The following CSMD2 variants were observed in gnomAD, a reference collection of about 807,000 sequenced individuals.
CSMD2 encodes the protein CUB and Sushi multiple domains 2, also known as CUB and sushi domain-containing protein 2.
A neutral mutation model predicts 398.5 loss-of-function variants in CSMD2; 130 were observed. That is an observed-to-expected ratio of 0.33 (90% CI 0.28 to 0.38). The LOEUF is 0.38. Among genes scored for constraint, CSMD2 ranks in the 10% least tolerant of loss-of-function variants. CSMD2 has a pLI of 1.00. For missense variants in CSMD2, 3,829 were observed against 4,764.9 expected (o/e 0.80, Z 5.78); for synonymous variants, 1,828 against 1,908.5 (o/e 0.96, Z 1.10).
chr1:34,002,256 C>A (rs1035460272), intron 3 of CSMD2, among the ~76,000 whole-genome samples: 3 of 152,122 alleles, frequency 2.0e-5, no homozygotes, highest in Non-Finnish European at 4.4e-5. Flanking sequence ...TATAAAATAT[C>A]TCATATTTAT....
chr1:33,825,483 G>A (rs746344667), intron 7 of CSMD2, among the ~76,000 whole-genome samples: 1 of 152,250 alleles, frequency 6.6e-6, no homozygotes, highest in African/African-American at 2.4e-5. Context: ...GGACAAGGAG[G>A]AAAATGGGAA....
intron 27 of CSMD2, 33 bp from the exon 28 acceptor site, chr1:33,652,494 C>G: frequency 1.2e-6 from 2 of 1,609,122 alleles, no homozygotes; most frequent in Non-Finnish European, 1.7e-6. Context: ...GTGAGGCTGC[C>G]TCTTCACCCT....
intron 3 of CSMD2, among the ~76,000 whole-genome samples, chr1:33,961,060 C>T (rs542708696): frequency 3.9e-5 from 6 of 152,236 alleles, no homozygotes; most frequent in Non-Finnish European, 7.3e-5. Flanking sequence ...GCCATCAATG[C>T]GCTACAGCGC....
intron 12 of CSMD2, among the ~76,000 whole-genome samples, chr1:33,777,043 A>G (rs944808658): frequency 1.3e-5 from 2 of 152,050 alleles, no homozygotes; most frequent in African/African-American, 4.8e-5. Flanking sequence ...GGAGGGGTAG[A>G]AAGTGTCAGA....
chr1:33,812,196 A>T (rs143570352), intron 9 of CSMD2, among the ~76,000 whole-genome samples: 314 of 152,310 alleles, frequency 2.1e-3, no homozygotes, highest in Non-Finnish European at 3.8e-3. Flanking sequence ...AGTGTCTGAC[A>T]TAGCCCCTCC....
At chr1:33,882,683 G>A (rs1641318514) in intron 5 of CSMD2, among the ~76,000 whole-genome samples, 1 of 152,190 alleles carries the variant, frequency 6.6e-6, no homozygotes, top group Non-Finnish European at 1.5e-5. Context: ...CTATCTCTTT[G>A]AGGTCACAGC....
At chr1:33,557,512 C>T (rs1658118380) in intron 55 of CSMD2, among the ~76,000 whole-genome samples, 1 of 152,044 alleles carries the variant, frequency 6.6e-6, no homozygotes, top group Admixed American at 6.5e-5. Context: ...AAAGTGAGAA[C>T]ACAAAAATTG....
At chr1:34,119,661 T>C (rs1269429158) in intron 1 of CSMD2, among the ~76,000 whole-genome samples, 2 of 152,170 alleles carry the variant, frequency 1.3e-5, no homozygotes. Flanking sequence ...GACAAACATA[T>C]GAAATTATGT....
At chr1:34,082,831 G>A (rs1401764020) in intron 2 of CSMD2, among the ~76,000 whole-genome samples, 5 of 152,004 alleles carry the variant, frequency 3.3e-5, no homozygotes, top group African/African-American at 9.7e-5. Flanking sequence ...GATTAAGGGC[G>A]GTGCAAGATG....
intron 37 of CSMD2, among the ~76,000 whole-genome samples, chr1:33,619,664 A>C (rs1353155733): frequency 3.3e-5 from 5 of 152,236 alleles, no homozygotes; most frequent in Non-Finnish European, 5.9e-5. Flanking sequence ...AAACCACAGA[A>C]CGTTGCTATC....
chr1:33,926,002 A>G (rs1175602033), intron 4 of CSMD2, among the ~76,000 whole-genome samples: 2 of 152,182 alleles, frequency 1.3e-5, no homozygotes, highest in Non-Finnish European at 2.9e-5. Flanking sequence ...TTACAGAAAT[A>G]GAATAATCCC....
chr1:33,764,943 G>C (rs768192953), intron 13 of CSMD2, among the ~76,000 whole-genome samples: 1 of 152,222 alleles, frequency 6.6e-6, no homozygotes, highest in Non-Finnish European at 1.5e-5. Flanking sequence ...TGGCATTGAG[G>C]TCAGGGTGGG....
chr1:33,545,452 A>G (rs988563831), intron 57 of CSMD2, among the ~76,000 whole-genome samples: 1 of 152,184 alleles, frequency 6.6e-6, no homozygotes, highest in Admixed American at 6.5e-5. Flanking sequence ...CTTCCCTTAG[A>G]CTGTAAGCCC....
At chr1:33,992,452 CCCA>C (rs1646585502) in intron 3 of CSMD2, among the ~76,000 whole-genome samples, 1 of 151,986 alleles carries the variant, frequency 6.6e-6, no homozygotes, top group Non-Finnish European at 1.5e-5. Flanking sequence ...AAGCAATGCA[CCCA>C]CTTCAGCACC....
intron 2 of CSMD2, among the ~76,000 whole-genome samples, chr1:34,034,574 A>G (rs1650877600): frequency 6.6e-6 from 1 of 152,232 alleles, no homozygotes; most frequent in Non-Finnish European, 1.5e-5. Flanking sequence ...CAGAACCCTG[A>G]TGATGTATTT....
intron 3 of CSMD2, among the ~76,000 whole-genome samples, chr1:33,976,941 A>G (rs889998277): frequency 1.3e-5 from 2 of 152,048 alleles, no homozygotes; most frequent in African/African-American, 4.8e-5. Flanking sequence ...CTTTTCCAGA[A>G]AAGAAGTGGC....
chr1:34,150,862 T>C (rs1200172844), intron 1 of CSMD2, among the ~76,000 whole-genome samples: 1 of 152,094 alleles, frequency 6.6e-6, no homozygotes, highest in Non-Finnish European at 1.5e-5. Context: ...CGAGGTTACA[T>C]TGAGACATGA....
At chr1:33,738,144 A>ACTATGCC (rs1646942879) in intron 15 of CSMD2, among the ~76,000 whole-genome samples, 1 of 152,042 alleles carries the variant, frequency 6.6e-6, no homozygotes, top group Non-Finnish European at 1.5e-5. Flanking sequence ...GTTCATGGCC[A>ACTATGCC]CTATGCCCAG....
intron 3 of CSMD2, among the ~76,000 whole-genome samples, chr1:33,974,187 G>A (rs940152207): frequency 2.0e-5 from 3 of 152,144 alleles, no homozygotes; most frequent in Admixed American, 1.3e-4. Context: ...AAACATCCCC[G>A]GTATATCAAA....
Sources: gnomAD v4.1 joint callset for allele counts (sites outside exome capture counted in the v4.1 genomes callset) on GRCh38, gnomAD v4.1.1 for gene constraint, MANE v1.5 for transcripts, NCBI Gene and HGNC (gene_info 2026-07-23, HGNC 2026-07-21) for gene names.